Variants in JMJD1C observed in about 807,000 individuals in gnomAD.
JMJD1C encodes the protein jumonji domain containing 1C.
Under a neutral mutation model 245.3 loss-of-function variants are expected in JMJD1C, and 31 were observed. The observed-to-expected ratio is 0.13, with a 90% confidence interval of 0.09 to 0.17. The LOEUF is 0.17. Among genes scored for constraint, JMJD1C ranks in the 10% least tolerant of loss-of-function variants. JMJD1C has a pLI of 1.00. For synonymous variants in JMJD1C, 1,057 were observed against 1,017.4 expected (o/e 1.04, Z -0.74); for missense variants, 2,691 against 3,000.2 (o/e 0.90, Z 2.41).
At chr10:63,206,516 T>C (rs1846642215) in intron 10 of JMJD1C, 79 bp downstream of exon 10, 1 of 1,149,792 alleles carries the variant, frequency 8.7e-7, no homozygotes, top group Non-Finnish European at 1.2e-6. Context: ...TTAAGCTCAC[T>C]GATCTTTAAA....
intron 2 of JMJD1C, among the ~76,000 whole-genome samples, chr10:63,336,276 C>T (rs934528036): frequency 6.6e-6 from 1 of 152,074 alleles, no homozygotes; most frequent in Admixed American, 6.5e-5. Flanking sequence ...GCCTGGCCAA[C>T]ATGGTGAATC....
At chr10:63,292,465 GC>G (rs1858892238) in intron 2 of JMJD1C, among the ~76,000 whole-genome samples, 1 of 151,592 alleles carries the variant, frequency 6.6e-6, no homozygotes, top group African/African-American at 2.4e-5. Flanking sequence ...ACAAAAATTA[GC>G]TACACATGGT....
intron 3 of JMJD1C, among the ~76,000 whole-genome samples, chr10:63,227,813 A>G (rs1849489023): frequency 6.6e-6 from 1 of 152,220 alleles, no homozygotes; most frequent in African/African-American, 2.4e-5. Flanking sequence ...TTCATGGTTT[A>G]GCAAAACTAC....
chr10:63,488,866 T>C (rs1009949921), intron 1 of JMJD1C, among the ~76,000 whole-genome samples: 2 of 152,208 alleles, frequency 1.3e-5, no homozygotes, highest in Non-Finnish European at 2.9e-5. Flanking sequence ...TATATGAGTG[T>C]GTTCAGTTTT....
intron 2 of JMJD1C, among the ~76,000 whole-genome samples, chr10:63,295,064 G>T (rs188789923): frequency 1.3e-5 from 2 of 151,850 alleles, no homozygotes; most frequent in East Asian, 3.9e-4. Context: ...TCTTTCTGAA[G>T]TAGTTAAAAA....
chr10:63,183,320 C>A, intron 22 of JMJD1C, 127 bp downstream of exon 22: 2 of 726,962 alleles, frequency 2.8e-6, no homozygotes, highest in South Asian at 2.2e-5. Context: ...GGCTAAAATG[C>A]CCCTACATCC....
intron 2 of JMJD1C, among the ~76,000 whole-genome samples, chr10:63,369,559 T>C (rs935175516): frequency 4.6e-5 from 7 of 152,218 alleles, no homozygotes; most frequent in African/African-American, 1.7e-4. Context: ...ATGTACATAA[T>C]GGCTTTATAA....
At chr10:63,288,072 G>T (rs1015458717) in intron 2 of JMJD1C, among the ~76,000 whole-genome samples, 2 of 152,052 alleles carry the variant, frequency 1.3e-5, no homozygotes, top group African/African-American at 4.8e-5. Flanking sequence ...GTAGAGACAG[G>T]TTCTCATTTT....
At chr10:63,172,542 A>C (rs1842468996) in intron 24 of JMJD1C, among the ~76,000 whole-genome samples, 1 of 152,118 alleles carries the variant, frequency 6.6e-6, no homozygotes, top group Admixed American at 6.6e-5. Flanking sequence ...GGAAAAGATA[A>C]ATCTCTTACT....
intron 2 of JMJD1C, among the ~76,000 whole-genome samples, chr10:63,350,323 T>C (rs535463399): frequency 1.2e-4 from 18 of 152,310 alleles, no homozygotes; most frequent in East Asian, 5.8e-4. Flanking sequence ...CCTTACCTGA[T>C]TGATCTATTG....
chr10:63,316,985 G>A (rs1200597674), intron 2 of JMJD1C, among the ~76,000 whole-genome samples: 5 of 151,884 alleles, frequency 3.3e-5, no homozygotes, highest in African/African-American at 7.2e-5. Flanking sequence ...TCAGCCTCCC[G>A]AGTAGGTGGG....
intron 1 of JMJD1C, chr10:63,465,218 C>T (rs994144792): frequency 5.1e-6 from 2 of 391,356 alleles, no homozygotes; most frequent in East Asian, 4.0e-5. Context: ...GGCGCCACAG[C>T]GGGGAGCCGC....
At chr10:63,464,994 G>A (rs1464095974) in intron 1 of JMJD1C, among the ~76,000 whole-genome samples, 2 of 152,210 alleles carry the variant, frequency 1.3e-5, no homozygotes, top group Admixed American at 1.3e-4. Context: ...CGGACTGTGT[G>A]GGAAGGTCTC....
intron 1 of JMJD1C, among the ~76,000 whole-genome samples, chr10:63,445,942 C>G (rs1322479831): frequency 8.2e-6 from 1 of 121,278 alleles, no homozygotes; most frequent in Non-Finnish European, 1.6e-5. Flanking sequence ...GTGGTGTGAT[C>G]TGGGCTCACT....
chr10:63,205,048 C>A, intron 10 of JMJD1C: 1 of 984,306 alleles, frequency 1.0e-6, no homozygotes, highest in Non-Finnish European at 1.2e-6. Flanking sequence ...AAGAAATAAG[C>A]AAACTGAGAA....
chr10:63,458,169 C>T (rs1442939977), intron 1 of JMJD1C, among the ~76,000 whole-genome samples: 1 of 152,106 alleles, frequency 6.6e-6, no homozygotes, highest in Non-Finnish European at 1.5e-5. Flanking sequence ...CTTTCTTTGT[C>T]AGATTAAGAA....
chr10:63,204,943 G>A (rs1846422763), intron 10 of JMJD1C: 1 of 985,092 alleles, frequency 1.0e-6, no homozygotes, highest in African/African-American at 1.7e-5. Context: ...TACTTTGAGT[G>A]TCCACATTGT....
chr10:63,437,104 TCCAAC>T (rs1951098756), intron 1 of JMJD1C, among the ~76,000 whole-genome samples: 1 of 152,188 alleles, frequency 6.6e-6, no homozygotes, highest in Admixed American at 6.6e-5. Context: ...CATCATTAAA[TCCAAC>T]TCTCCACCTA....
chr10:63,286,047 C>A (rs1857949798), intron 2 of JMJD1C, among the ~76,000 whole-genome samples: 1 of 152,104 alleles, frequency 6.6e-6, no homozygotes. Flanking sequence ...ATCAGAAATT[C>A]TAGAAGTGGG....
Sources: gnomAD v4.1 joint callset for allele counts (sites outside exome capture counted in the v4.1 genomes callset) on GRCh38, gnomAD v4.1.1 for gene constraint, MANE v1.5 for transcripts, NCBI Gene and HGNC (gene_info 2026-07-23, HGNC 2026-07-21) for gene names.